KAZN: variants seen among roughly 807,000 people sequenced by gnomAD.
The protein encoded by KAZN is kazrin.
In KAZN, 40 loss-of-function variants were observed where a neutral mutation model predicts 87.4. That is an observed-to-expected ratio of 0.46 (90% CI 0.36 to 0.60). The LOEUF is 0.60. KAZN is among the 20% of genes least tolerant of loss of function. The pLI is 0.00. For missense variants in KAZN, 898 were observed against 1,073.9 expected (o/e 0.84, Z 2.29); for synonymous variants, 466 against 458.3 (o/e 1.02, Z -0.22).
At chr1:14,821,382 T>A (rs1646732928) in intron 1 of KAZN, among the ~76,000 whole-genome samples, 1 of 151,976 alleles carries the variant, frequency 6.6e-6, no homozygotes, top group African/African-American at 2.4e-5. Flanking sequence ...CCAGGTGTTG[T>A]GGCAGGCACC....
At chr1:14,109,084 C>T (rs777566919) in intron 1 of KAZN, among the ~76,000 whole-genome samples, 2 of 152,186 alleles carry the variant, frequency 1.3e-5, no homozygotes, top group Admixed American at 6.5e-5. Flanking sequence ...GACCAAAGTC[C>T]TGTGTCATAG....
At chr1:14,069,054 C>T (rs1360142233) in intron 1 of KAZN, among the ~76,000 whole-genome samples, 2 of 152,278 alleles carry the variant, frequency 1.3e-5, no homozygotes, top group African/African-American at 2.4e-5. Flanking sequence ...GCCTGGGCCT[C>T]GCAAAGTGTT....
intron 2 of KAZN, among the ~76,000 whole-genome samples, chr1:14,323,454 G>T (rs1263387357): frequency 6.6e-6 from 1 of 152,010 alleles, no homozygotes; most frequent in Non-Finnish European, 1.5e-5. Flanking sequence ...TTTCATTTAG[G>T]CATGACAGTA....
chr1:13,981,782 G>A (rs1433648523), intron 1 of KAZN, among the ~76,000 whole-genome samples: 2 of 152,302 alleles, frequency 1.3e-5, no homozygotes, highest in African/African-American at 4.8e-5. Context: ...TCAGCAGGGG[G>A]CCCCTGTGGA....
chr1:14,978,459 CCTT>C (rs1309536329), intron 2 of KAZN, among the ~76,000 whole-genome samples: 1 of 152,088 alleles, frequency 6.6e-6, no homozygotes, highest in African/African-American at 2.4e-5. Flanking sequence ...ACTGTTGTGT[CCTT>C]CTTCAGAGGA....
intron 1 of KAZN, among the ~76,000 whole-genome samples, chr1:14,835,855 T>C (rs1647225961): frequency 1.4e-5 from 2 of 138,234 alleles, no homozygotes; most frequent in Admixed American, 7.3e-5. Flanking sequence ...CTCCTTGACA[T>C]TGAGGTTTGA....
intron 2 of KAZN, among the ~76,000 whole-genome samples, chr1:14,226,543 A>G (rs374436860): frequency 6.5e-4 from 99 of 152,276 alleles, no homozygotes; most frequent in African/African-American, 2.2e-3. Context: ...CAACAACCCT[A>G]TTACTGGGTA....
intron 2 of KAZN, among the ~76,000 whole-genome samples, chr1:14,519,333 T>G (rs781301507): frequency 6.6e-6 from 1 of 152,118 alleles, no homozygotes; most frequent in Non-Finnish European, 1.5e-5. Context: ...CCGAGGCCAG[T>G]TCTTTGGGCA....
chr1:14,449,580 G>A (rs547395823), intron 2 of KAZN, among the ~76,000 whole-genome samples: 7 of 152,258 alleles, frequency 4.6e-5, no homozygotes, highest in East Asian at 1.9e-4. Flanking sequence ...GGAATTTTTC[G>A]GGAGGAGAGA....
Position 14,923,731 on chromosome 1 carries a change from G to T in KAZN, c.227-36953G>T, listed in dbSNP as rs1405778447. Reference sequence around the variant, plus strand: ...AGATGAGCGAAGGAAAGGTCCCGGGGCTGCTCCCCTGCCCGCCCACTCCTT... The same window carrying T: ...AGATGAGCGAAGGAAAGGTCCCGGGTCTGCTCCCCTGCCCGCCCACTCCTT... On this transcript the variant is annotated intron_variant, in intron 1 of 14. Transcript: ENST00000376030. The surrounding 1 kb of genome is among the most constrained non-coding windows in gnomAD (Gnocchi z 4.2). Among the ~76,000 whole-genome samples, 2 of 152,158 alleles carry T rather than the reference G, an allele frequency of 1.3e-5. No individual in the cohort carries two copies. Among genetic ancestry groups the T allele is most frequent in the African/African-American group, 4.8e-5 (2 of 41,444 alleles).
intron 1 of KAZN, among the ~76,000 whole-genome samples, chr1:14,872,199 C>T (rs1030487079): frequency 6.6e-6 from 1 of 152,094 alleles, no homozygotes; most frequent in African/African-American, 2.4e-5. Flanking sequence ...GACTGGGGGA[C>T]TTCTCTGGGT....
At chr1:15,109,937 GTGTGTT>G (rs1553191661) in intron 13 of KAZN, among the ~76,000 whole-genome samples, 1 of 140,452 alleles carries the variant, frequency 7.1e-6, no homozygotes, top group Non-Finnish European at 1.6e-5. Context: ...GTGTGTGTGT[GTGTGTT>G]TGTGTATGTG....
intron 1 of KAZN, among the ~76,000 whole-genome samples, chr1:14,810,110 A>G (rs1646361579): frequency 1.3e-5 from 2 of 152,188 alleles, no homozygotes. Flanking sequence ...GTCCCTAGAC[A>G]TTAATTATCA....
At position 14,552,341 on chromosome 1, in the gene KAZN, G is replaced by A. The variant is rs183423445; in HGVS notation, c.250-46642G>A. Among the ~76,000 whole-genome samples, 40 of 152,304 alleles carry A rather than the reference G, an allele frequency of 2.6e-4. No individual in the cohort carries two copies. In the East Asian group the frequency reaches 5.2e-3, roughly 20 times the overall value. On this transcript the variant is annotated intron_variant, in intron 2 of 16. Coordinates refer to the KAZN transcript ENST00000636203. ...CAGCTTACCAGGCTCCACGGAGAGC[G>A]GCCCAGGCAGGAGGGCTGGGAGCCG...
At chr1:14,604,639 G>A (rs758016146) in intron 1 of KAZN, among the ~76,000 whole-genome samples, 4 of 152,224 alleles carry the variant, frequency 2.6e-5, no homozygotes, top group Non-Finnish European at 4.4e-5. Flanking sequence ...TAATGAGTTT[G>A]GCAAGAACAA....
intron 1 of KAZN, among the ~76,000 whole-genome samples, chr1:14,050,734 C>A (rs1417275466): frequency 1.3e-5 from 2 of 152,142 alleles, no homozygotes; most frequent in East Asian, 1.9e-4. Context: ...CTCCACTTCC[C>A]CCATTGAGCT....
At chr1:14,895,291 C>A (rs1655137690) in intron 1 of KAZN, among the ~76,000 whole-genome samples, 1 of 152,258 alleles carries the variant, frequency 6.6e-6, no homozygotes, top group South Asian at 2.1e-4. Context: ...GCATGCTGGG[C>A]ACACACTGCA....
At chr1:14,862,625 G>T (rs1229148622) in intron 1 of KAZN, among the ~76,000 whole-genome samples, 1 of 152,194 alleles carries the variant, frequency 6.6e-6, no homozygotes, top group Admixed American at 6.5e-5. Flanking sequence ...CAGCCTCCCA[G>T]ACTGTACCTA....
Position 15,117,340 on chromosome 1 carries a change from T to G in KAZN, c.*2705T>G, listed in dbSNP as rs1641876032. On this transcript the variant is annotated 3_prime_UTR_variant, in exon 15 of 15. Coordinates refer to ENST00000376030, the MANE Select transcript of KAZN (RefSeq NM_201628.3). ...TTGGAAAGCTGTTGTAGCTTGTGCC[T>G]GTGGGTGGAGAAGGCACCTGCCTGG... 6.6e-6 allele frequency: 1 copy of G among 152,264 alleles called. No homozygotes were observed. Among genetic ancestry groups the G allele is most frequent in the Non-Finnish European group, 1.5e-5 (1 of 68,102 alleles). 9.4% of individuals were successfully genotyped at this position (152,264 alleles called of 1,614,324 possible).
Sources: allele counts gnomAD v4.1 joint callset (sites outside exome capture counted in the v4.1 genomes callset), GRCh38; gene constraint gnomAD v4.1.1; non-coding constraint Gnocchi (gnomAD v3.1); transcripts MANE v1.5; gene names NCBI Gene and HGNC (gene_info 2026-07-23, HGNC 2026-07-21).